The following FARP1 variants were observed in gnomAD, a reference collection of about 807,000 sequenced individuals.
FARP1 encodes the protein FERM, ARH/RhoGEF and pleckstrin domain protein 1.
In FARP1, 52 loss-of-function variants were observed where a neutral mutation model predicts 128.8. That is an observed-to-expected ratio of 0.40 (90% confidence interval 0.32 to 0.51). FARP1 has a LOEUF of 0.51. FARP1 is among the 20% of genes least tolerant of loss of function. FARP1 has a pLI of 0.45. For missense variants in FARP1, 1,333 were observed against 1,367.9 expected (o/e 0.97, Z 0.40); for synonymous variants, 580 against 551.8 (o/e 1.05, Z -0.72).
intron 2 of FARP1, among the ~76,000 whole-genome samples, chr13:98,336,284 C>T (rs1887739327): frequency 6.6e-6 from 1 of 152,152 alleles, no homozygotes; most frequent in Non-Finnish European, 1.5e-5. Context: ...GGGAGTCTTA[C>T]TCTGTCGCCC....
intron 2 of FARP1, 131 bp downstream of exon 2, chr13:98,213,544 C>G: frequency 2.2e-6 from 2 of 921,660 alleles, no homozygotes; most frequent in Non-Finnish European, 3.3e-6. Flanking sequence ...ACCTCCCTCC[C>G]CGCCCCCCAA....
chr13:98,428,141 G>T (rs1891858512), intron 17 of FARP1, among the ~76,000 whole-genome samples: 1 of 150,484 alleles, frequency 6.6e-6, no homozygotes, highest in South Asian at 2.1e-4. Context: ...CAGGAGTGAG[G>T]TCACACAACC....
At chr13:98,256,951 A>G (rs575976363) in intron 2 of FARP1, among the ~76,000 whole-genome samples, 10,027 of 31,384 alleles carry the variant, frequency 0.32, 1,848 homozygotes, top group East Asian at 0.42. Context: ...ATATGTGGAT[A>G]TATATATATA....
intron 2 of FARP1, among the ~76,000 whole-genome samples, chr13:98,229,680 T>C (rs1015228592): frequency 8.2e-6 from 1 of 121,620 alleles, no homozygotes; most frequent in South Asian, 2.3e-4. Context: ...TTATATACTT[T>C]ATTTCTTTTT....
At chr13:98,308,670 TTTTG>T (rs367660248) in intron 2 of FARP1, among the ~76,000 whole-genome samples, 4 of 152,162 alleles carry the variant, frequency 2.6e-5, no homozygotes, top group South Asian at 4.1e-4. Context: ...TAATTTTATT[TTTTG>T]TTTGTTTGTT....
At chr13:98,390,926 TCGCCA>T in intron 11 of FARP1, 46 bp downstream of exon 11, 3 of 1,311,320 alleles carry the variant, frequency 2.3e-6, no homozygotes, top group Non-Finnish European at 3.3e-6. Context: ...AGGCTCAGAC[TCGCCA>T]GGTAACAGTT....
intron 3 of FARP1, among the ~76,000 whole-genome samples, chr13:98,354,608 TA>T (rs1301314728): frequency 6.6e-6 from 1 of 152,220 alleles, no homozygotes; most frequent in African/African-American, 2.4e-5. Context: ...GGATTCTTAT[TA>T]AACTAAATAT....
At chr13:98,339,790 G>A (rs1887886954) in intron 2 of FARP1, among the ~76,000 whole-genome samples, 1 of 152,156 alleles carries the variant, frequency 6.6e-6, no homozygotes, top group African/African-American at 2.4e-5. Flanking sequence ...GGATCGACTT[G>A]TGATTTATTA....
chr13:98,168,201 A>T (rs192217147), intron 1 of FARP1, among the ~76,000 whole-genome samples: 4 of 149,322 alleles, frequency 2.7e-5, no homozygotes, highest in African/African-American at 9.9e-5. Context: ...AATAAATAAA[A>T]AAGTTTTGGT....
intron 2 of FARP1, among the ~76,000 whole-genome samples, chr13:98,324,379 G>A (rs1887139301): frequency 2.0e-5 from 3 of 152,156 alleles, no homozygotes; most frequent in Admixed American, 2.0e-4. Context: ...TTTTGTGTAA[G>A]ATCTATTTTG....
At chr13:98,415,535 C>T (rs1317173730) in intron 16 of FARP1, among the ~76,000 whole-genome samples, 1 of 152,242 alleles carries the variant, frequency 6.6e-6, no homozygotes, top group African/African-American at 2.4e-5. Flanking sequence ...AGGAGGCAGG[C>T]ACATAGGGCA....
intron 2 of FARP1, among the ~76,000 whole-genome samples, chr13:98,279,926 C>G (rs1470039466): frequency 6.6e-6 from 1 of 152,130 alleles, no homozygotes; most frequent in Non-Finnish European, 1.5e-5. Flanking sequence ...CCCACGTTCT[C>G]CGCTGTCTGA....
intron 1 of FARP1, chr13:98,208,564 A>G (rs1880454231): frequency 6.5e-6 from 1 of 152,698 alleles, no homozygotes; most frequent in Non-Finnish European, 1.5e-5. Context: ...TGTTAGCTCC[A>G]GAAGCATTGC....
At chr13:98,174,617 T>TTA (rs1169692037) in intron 1 of FARP1, among the ~76,000 whole-genome samples, 1 of 152,192 alleles carries the variant, frequency 6.6e-6, no homozygotes, top group African/African-American at 2.4e-5. Context: ...CAAGGACAAT[T>TTA]CTTAGAGAAA....
rs148951863 is a variant in FARP1 at position 98,173,763 on chromosome 13, T to C, written c.-24+30271T>C. Among the ~76,000 whole-genome samples the C allele has an allele frequency of 4.9e-3, 753 of 152,284 alleles. 4 individuals are homozygous for C. Among genetic ancestry groups the C allele is most frequent in the African/African-American group, 0.017 (690 of 41,568 alleles). ...CGGAAAGATAGGGGTTGGGGTGTGA[T>C]GTGGTGGGACCTGGTCCAGACAGGA... On this transcript the variant is annotated intron_variant, in intron 1 of 26. Coordinates refer to ENST00000319562, the MANE Select transcript of FARP1 (RefSeq NM_005766.4).
intron 1 of FARP1, among the ~76,000 whole-genome samples, chr13:98,202,049 G>C (rs1478664741): frequency 1.3e-5 from 2 of 152,188 alleles, no homozygotes; most frequent in Non-Finnish European, 2.9e-5. Flanking sequence ...AGCTGTTTTT[G>C]AACTTTCTCA....
chr13:98,241,566 G>A (rs2139449289), intron 2 of FARP1, among the ~76,000 whole-genome samples: 2 of 152,276 alleles, frequency 1.3e-5, no homozygotes, highest in South Asian at 4.2e-4. Flanking sequence ...GATCTCTTGA[G>A]GCCAGGAGCT....
In FARP1 at chr13:98,208,213, A is replaced by G. The variant is rs535808454; in HGVS notation, c.-23-5007A>G. ...TCAGGCATTCAAAAAAGAAGGGGCC[A>G]GCGTGGTGGCTAACTCCTGTAATCC... is the stretch of plus-strand genomic sequence containing the variant. On this transcript the variant is annotated intron_variant, in intron 1 of 26. Coordinates refer to ENST00000319562, the MANE Select transcript of FARP1 (RefSeq NM_005766.4). 3.9e-5 allele frequency among the ~76,000 whole-genome samples: 6 copies of G among 152,040 alleles called. No homozygotes were observed. In the East Asian group the frequency reaches 1.2e-3, roughly 29 times the overall value.
chr13:98,292,625 A>T lies in FARP1; in HGVS notation c.172-51137A>T, dbSNP rs534264752. Among the ~76,000 whole-genome samples, 6 of 152,344 alleles carry T rather than the reference A, an allele frequency of 3.9e-5. No homozygotes were observed. The East Asian group carries it at 9.6e-4, about 24-fold the overall frequency. On this transcript the variant is annotated intron_variant, in intron 2 of 26. Transcript: ENST00000319562. The stretch of plus-strand genomic sequence containing the variant: ...CAGTGGCTACTGAATTAGCACAGAT[A>T]TAGAACATTCCCTCCCTGGTAGAAC...
Sources: gnomAD v4.1 joint callset for allele counts (sites outside exome capture counted in the v4.1 genomes callset) on GRCh38, gnomAD v4.1.1 for gene constraint, MANE v1.5 for transcripts, NCBI Gene and HGNC (gene_info 2026-07-23, HGNC 2026-07-21) for gene names.